ARID4B: variants seen among roughly 807,000 people sequenced by gnomAD.
The protein encoded by ARID4B is AT-rich interactive domain-containing protein 4B.
ARID4B carries 26 observed loss-of-function variants against 147.5 expected under a neutral mutation model. That is an observed-to-expected ratio of 0.18 (90% confidence interval 0.13 to 0.24). The LOEUF (loss-of-function observed/expected upper bound fraction) is 0.24. Ranked by LOEUF, ARID4B falls within the 10% of genes least tolerant of loss-of-function variation. ARID4B has a pLI of 1.00. For missense variants in ARID4B, 1,179 were observed against 1,511.5 expected (o/e 0.78, Z 3.65); for synonymous variants, 512 against 507.9 (o/e 1.01, Z -0.11).
In ARID4B at chr1:235,219,687, TAATA is replaced by T. The variant is rs1667313909; in HGVS notation, c.1583+102_1583+105del. The T allele has an allele frequency of 4.1e-5, 37 of 902,434 alleles. 1 individual carries two copies. Among genetic ancestry groups the T allele is most frequent in the Middle Eastern group, 5.6e-4 (2 of 3,558 alleles). 55.9% of individuals were successfully genotyped at this position (902,434 alleles called of 1,614,324 possible). On this transcript the variant is annotated intron_variant, in intron 16 of 23. Transcript: ENST00000264183. Reference sequence around the variant, plus strand: ...AATAAATGCCAATCACTCTATTATTTAATATTTTGTCAATTAATTTAGATTCATA... The same window carrying T: ...AATAAATGCCAATCACTCTATTATTTTTTTGTCAATTAATTTAGATTCATA...
At chr1:235,200,074 T>C (rs1240848599) in intron 17 of ARID4B, among the ~76,000 whole-genome samples, 1 of 150,408 alleles carries the variant, frequency 6.6e-6, no homozygotes, top group Non-Finnish European at 1.5e-5. Context: ...ATCCCAGAAC[T>C]ATGGGAGGCC....
intron 17 of ARID4B, among the ~76,000 whole-genome samples, chr1:235,202,010 T>TAATATATACATATATATACAC (rs1665969369): frequency 6.6e-6 from 1 of 150,622 alleles, no homozygotes; most frequent in East Asian, 1.9e-4. Flanking sequence ...TATGTGTATA[T>TAATATATACATATATATACAC]AATATATACA....
chr1:235,326,722 C>G, intron 2 of ARID4B, 192 bp downstream of exon 2: 2 of 655,382 alleles, frequency 3.1e-6, no homozygotes, highest in East Asian at 5.3e-5. Context: ...TTGAGACATC[C>G]TATAACTGCC....
At chr1:235,283,408 T>A (rs555075337) in intron 2 of ARID4B, among the ~76,000 whole-genome samples, 1 of 152,308 alleles carries the variant, frequency 6.6e-6, no homozygotes, top group South Asian at 2.1e-4. Flanking sequence ...GATTACAAAC[T>A]ATGTTTTAAG....
intron 2 of ARID4B, among the ~76,000 whole-genome samples, chr1:235,320,069 G>T (rs997025984): frequency 6.6e-6 from 1 of 151,918 alleles, no homozygotes; most frequent in African/African-American, 2.4e-5. Flanking sequence ...AGAGGTTGCA[G>T]TGAGCCGAGA....
chr1:235,263,727 C>T (rs943256289), intron 2 of ARID4B, among the ~76,000 whole-genome samples: 1 of 151,910 alleles, frequency 6.6e-6, no homozygotes, highest in African/African-American at 2.4e-5. Context: ...GGGACTCACA[C>T]CTGTAATCCC....
intron 11 of ARID4B, among the ~76,000 whole-genome samples, chr1:235,227,849 T>TTTTTTAA (rs1667927312): frequency 1.3e-5 from 2 of 150,656 alleles, no homozygotes; most frequent in African/African-American, 4.9e-5. Flanking sequence ...TTTTTTTTTT[T>TTTTTTAA]TGAGACGGGG....
chr1:235,198,689 G>A (rs1034959741), intron 17 of ARID4B, among the ~76,000 whole-genome samples: 6 of 152,140 alleles, frequency 3.9e-5, no homozygotes, highest in Non-Finnish European at 8.8e-5. Context: ...TGTCAAAAGT[G>A]TGTTGGAGCA....
In ARID4B at chr1:235,221,514, G is replaced by A. The variant is rs771537128; in HGVS notation, c.1163+51C>T. 3.7e-6 allele frequency: 4 copies of A among 1,066,906 alleles called. No individual in the cohort carries two copies. In the South Asian group the frequency reaches 4.3e-5, roughly 11 times the overall value. 66.1% of individuals were successfully genotyped at this position (1,066,906 alleles called of 1,614,324 possible). A position where few individuals can be genotyped will look rare whatever the true frequency, so the allele number is the denominator to read the frequency against. On this transcript the variant is annotated intron_variant, in intron 14 of 23. Transcript: ENST00000264183. ...TCAGTTATAAGGTAAATTTCATCCTGCTTTCTAGGTAAAAATACTGAAGAT... is the reference window on the plus strand; with the variant it reads ...TCAGTTATAAGGTAAATTTCATCCTACTTTCTAGGTAAAAATACTGAAGAT...
intron 7 of ARID4B, among the ~76,000 whole-genome samples, chr1:235,245,517 C>T (rs1216045999): frequency 6.6e-6 from 1 of 151,348 alleles, no homozygotes; most frequent in Non-Finnish European, 1.5e-5. Context: ...AACTTATTGA[C>T]AAATAAGAGA....
At chr1:235,256,131 G>A (rs557515929) in intron 4 of ARID4B, among the ~76,000 whole-genome samples, 8 of 138,972 alleles carry the variant, frequency 5.8e-5, no homozygotes, top group South Asian at 2.3e-4. Context: ...CCGAGATCGC[G>A]CCACTGCACT....
intron 2 of ARID4B, among the ~76,000 whole-genome samples, chr1:235,311,727 CTG>C (rs34853887): frequency 0.014 from 2,034 of 146,962 alleles, 23 homozygotes; most frequent in South Asian, 0.045. Context: ...TGAGCCAAGA[CTG>C]TGCCACTGCA....
intron 2 of ARID4B, among the ~76,000 whole-genome samples, chr1:235,315,890 T>C (rs1323546040): frequency 6.6e-6 from 1 of 152,068 alleles, no homozygotes; most frequent in Non-Finnish European, 1.5e-5. Context: ...GTTTCATAAA[T>C]AATATCCAAT....
chr1:235,229,926 C>A (rs544447562), intron 10 of ARID4B, among the ~76,000 whole-genome samples: 40 of 152,104 alleles, frequency 2.6e-4, no homozygotes, highest in Admixed American at 8.5e-4. Context: ...AATTATATAC[C>A]AAAAAATCTT....
intron 19 of ARID4B, among the ~76,000 whole-genome samples, chr1:235,183,185 C>G (rs1460604809): frequency 6.6e-6 from 1 of 151,058 alleles, no homozygotes; most frequent in Non-Finnish European, 1.5e-5. Context: ...GGATATAATC[C>G]CAGATTGTGC....
At chr1:235,252,294 A>G (rs1669693732) in intron 6 of ARID4B, among the ~76,000 whole-genome samples, 1 of 152,178 alleles carries the variant, frequency 6.6e-6, no homozygotes, top group African/African-American at 2.4e-5. Context: ...TGGAAGGGAC[A>G]ATTTTAGGAA....
intron 2 of ARID4B, among the ~76,000 whole-genome samples, chr1:235,289,725 CAA>C (rs35163064): frequency 7.6e-4 from 71 of 92,922 alleles, no homozygotes; most frequent in Middle Eastern, 6.0e-3. Flanking sequence ...GATTCTGCCT[CAA>C]AAAAAAAAAA....
intron 17 of ARID4B, among the ~76,000 whole-genome samples, chr1:235,198,061 A>G (rs1021108249): frequency 3.3e-5 from 5 of 152,230 alleles, no homozygotes; most frequent in African/African-American, 1.2e-4. Context: ...AGAAGAAGTC[A>G]AGATATCAAC....
intron 2 of ARID4B, among the ~76,000 whole-genome samples, chr1:235,318,334 C>T (rs189008570): frequency 6.6e-6 from 1 of 151,954 alleles, no homozygotes; most frequent in African/African-American, 2.4e-5. Context: ...CACCACCACA[C>T]CCGGCTAATT....
Sources: allele counts gnomAD v4.1 joint callset (sites outside exome capture counted in the v4.1 genomes callset), GRCh38; gene constraint gnomAD v4.1.1; transcripts MANE v1.5; gene names NCBI Gene and HGNC (gene_info 2026-07-23, HGNC 2026-07-21).